Variants in PTPRT observed in about 807,000 individuals in gnomAD.
The protein encoded by PTPRT is receptor-type tyrosine-protein phosphatase T.
A neutral mutation model predicts 176.8 loss-of-function variants in PTPRT; 56 were observed. The observed-to-expected ratio is 0.32, with a 90% CI of 0.26 to 0.40. The LOEUF (loss-of-function observed/expected upper bound fraction) is 0.40, where lower values mean the gene tolerates loss of function less well. Among genes scored for constraint, PTPRT ranks in the 10% least tolerant of loss-of-function variants. The pLI is 1.00. For synonymous variants in PTPRT, 783 were observed against 739.0 expected, an observed-to-expected ratio of 1.06 and a Z score of -0.96; for missense variants, 1,540 against 1,908.2, an observed-to-expected ratio of 0.81 and a Z score of 3.60.
At chr20:42,231,611 A>T (rs2056137414) in intron 15 of PTPRT, among the ~76,000 whole-genome samples, 1 of 152,160 alleles carries the variant, frequency 6.6e-6, no homozygotes, top group South Asian at 2.1e-4. Context: ...AGACAGGATG[A>T]ATCTTGACTG....
chr20:42,628,840 G>T (rs769423264), intron 7 of PTPRT, among the ~76,000 whole-genome samples: 44 of 152,258 alleles, frequency 2.9e-4, no homozygotes, highest in Non-Finnish European at 4.7e-4. Context: ...CAGCAGAGTG[G>T]AGTAGTTACA....
At chr20:42,770,917 G>A (rs2077053229) in intron 5 of PTPRT, among the ~76,000 whole-genome samples, 4 of 152,212 alleles carry the variant, frequency 2.6e-5, no homozygotes, top group African/African-American at 4.8e-5. Flanking sequence ...TAGCAGAATC[G>A]TAGTTAAGAT....
At chr20:42,955,323 G>C (rs1409192806) in intron 1 of PTPRT, among the ~76,000 whole-genome samples, 1 of 152,142 alleles carries the variant, frequency 6.6e-6, no homozygotes, top group Non-Finnish European at 1.5e-5. Flanking sequence ...GCAATTCACA[G>C]ACCCCACAAG....
intron 1 of PTPRT, among the ~76,000 whole-genome samples, chr20:43,081,828 T>C (rs1170787030): frequency 6.6e-6 from 1 of 152,170 alleles, no homozygotes. Flanking sequence ...TTTCCCAGTT[T>C]GTTCTGTTTC....
At chr20:42,837,659 G>A (rs1477023578) in intron 2 of PTPRT, among the ~76,000 whole-genome samples, 1 of 152,162 alleles carries the variant, frequency 6.6e-6, no homozygotes, top group Non-Finnish European at 1.5e-5. Flanking sequence ...GACCATATCT[G>A]AGTTATCCAT....
chr20:42,855,492 T>C (rs2078546706), intron 2 of PTPRT, among the ~76,000 whole-genome samples: 1 of 143,212 alleles, frequency 7.0e-6, no homozygotes. Flanking sequence ...AGTGCTGTGG[T>C]ACAATCTCGG....
intron 7 of PTPRT, among the ~76,000 whole-genome samples, chr20:42,478,505 G>T (rs2071329342): frequency 6.6e-6 from 1 of 151,988 alleles, no homozygotes; most frequent in African/African-American, 2.4e-5. Flanking sequence ...GCCCCCAAAT[G>T]CCCCTGAGTC....
chr20:42,478,455 A>G (rs1305964637), intron 7 of PTPRT, among the ~76,000 whole-genome samples: 1 of 152,050 alleles, frequency 6.6e-6, no homozygotes, highest in Non-Finnish European at 1.5e-5. Context: ...TACCATTTTC[A>G]TCCTAATACC....
At chr20:42,247,470 AG>A (rs2056472792) in intron 14 of PTPRT, among the ~76,000 whole-genome samples, 1 of 151,204 alleles carries the variant, frequency 6.6e-6, no homozygotes, top group Admixed American at 6.6e-5. Context: ...ATTAGTTGTT[AG>A]GGGTATTCTG....
Position 42,791,433 on chromosome 20 carries a change from G to A in PTPRT, c.248C>T (p.Ala83Val), listed in dbSNP as rs2145550793. ...GAGAAGGTGGGCCTTCTGGCCAGAG[G>A]CTCTCCCAGAGCTGTTCACCATCAT... ...SFMMVNSSGR[A>V]SGQKAHLLLP... The change falls in exon 3 of 31, where the codon GCC becomes GTC. Residue 83 changes from alanine (A) to valine (V), a missense_variant. By Grantham distance (64) the Ala-to-Val change is moderately conservative. This residue lies in a region of PTPRT where 116 missense variants were observed against 118.5 expected (regional missense o/e 0.98). Coordinates refer to ENST00000373187, the MANE Select transcript of PTPRT (RefSeq NM_007050.6). 1 of 1,613,212 alleles carries A rather than the reference G, an allele frequency of 6.2e-7. No homozygotes were observed. The highest frequency in any genetic ancestry group is 8.5e-7 in the Non-Finnish European group (1 of 1,179,514).
chr20:42,487,483 A>G (rs2071482827), intron 7 of PTPRT, among the ~76,000 whole-genome samples: 1 of 152,184 alleles, frequency 6.6e-6, no homozygotes, highest in African/African-American at 2.4e-5. Context: ...TACATGGCAA[A>G]AAGAACACTG....
intron 2 of PTPRT, among the ~76,000 whole-genome samples, chr20:42,829,935 T>C (rs2078057566): frequency 6.6e-6 from 1 of 152,082 alleles, no homozygotes; most frequent in Non-Finnish European, 1.5e-5. Context: ...TAATGAGCTC[T>C]GAAATTGAAT....
intron 13 of PTPRT, among the ~76,000 whole-genome samples, chr20:42,254,518 T>C (rs934223481): frequency 1.3e-5 from 2 of 152,206 alleles, no homozygotes; most frequent in African/African-American, 4.8e-5. Context: ...AAGATTCAGA[T>C]GAGACCTATT....
rs187446567 is a variant in PTPRT, at chr20:42,376,658, G to A, written c.1561-24373C>T. On this transcript the variant is annotated intron_variant, in intron 9 of 30. Transcript: ENST00000373187. ...AAAAGCTCAGACTTGGGTGTTGGGC[G>A]GATATCAGCAGTGTTCATGACATGA... is the stretch of plus-strand genomic sequence containing the variant. 1.7e-3 allele frequency among the ~76,000 whole-genome samples: 252 copies of A among 152,208 alleles called. 1 individual carries two copies. Among genetic ancestry groups the A allele is most frequent in the Non-Finnish European group, 2.8e-3 (189 of 68,018 alleles).
chr20:42,622,535 C>T (rs990036702), intron 7 of PTPRT, among the ~76,000 whole-genome samples: 11 of 152,192 alleles, frequency 7.2e-5, no homozygotes, highest in African/African-American at 2.6e-4. Context: ...CCACCGTGCC[C>T]GGCCAGACTT....
intron 6 of PTPRT, among the ~76,000 whole-genome samples, chr20:42,749,411 A>C (rs2076737941): frequency 6.6e-6 from 1 of 152,050 alleles, no homozygotes; most frequent in Non-Finnish European, 1.5e-5. Context: ...GACTGCGCTC[A>C]TTGTTCCAAC....
chr20:42,248,961 T>C (rs753153143), intron 13 of PTPRT, 139 bp from the exon 14 acceptor site: 34 of 976,880 alleles, frequency 3.5e-5, no homozygotes, highest in Non-Finnish European at 4.7e-5. Context: ...ACATACATTG[T>C]CCCATTTAAT....
chr20:42,146,360 G>C (rs1048768516), intron 17 of PTPRT, among the ~76,000 whole-genome samples: 2 of 152,162 alleles, frequency 1.3e-5, no homozygotes, highest in Non-Finnish European at 1.5e-5. Flanking sequence ...CCAAAAGCAG[G>C]ATAGCATGAC....
chr20:43,189,282 G>A lies in PTPRT; in HGVS notation c.88+364C>T, dbSNP rs1326316508. On this transcript the variant is annotated intron_variant, in intron 1 of 30. Coordinates refer to ENST00000373187, the MANE Select transcript of PTPRT (RefSeq NM_007050.6). This position sits in a 1 kb window ranked among gnomAD's most constrained non-coding sequence, Gnocchi z 5.0. ...AGAGAACGCTCCACCCCGGGCGTCG[G>A]TGCCGCTCCTCGTCTCGCCGCCCCA... is the stretch of plus-strand genomic sequence containing the variant. 6.6e-6 allele frequency among the ~76,000 whole-genome samples: 1 copy of A among 152,176 alleles called. No individual in the cohort carries two copies. Among genetic ancestry groups the A allele is most frequent in the South Asian group, 2.1e-4 (1 of 4,838 alleles).
Sources: allele counts gnomAD v4.1 joint callset (sites outside exome capture counted in the v4.1 genomes callset), GRCh38; gene constraint gnomAD v4.1.1; regional missense constraint gnomAD v4.1.1; non-coding constraint Gnocchi (gnomAD v3.1); transcripts MANE v1.5; gene names NCBI Gene and HGNC (gene_info 2026-07-23, HGNC 2026-07-21).